EPHA7: variants seen among roughly 807,000 people sequenced by gnomAD.
EPHA7 encodes the protein EPH receptor A7.
Under a neutral mutation model 112.6 loss-of-function variants are expected in EPHA7, and 25 were observed. That is an observed-to-expected ratio of 0.22 (90% CI 0.16 to 0.31). The LOEUF is 0.31. Among genes scored for constraint, EPHA7 ranks in the 10% least tolerant of loss-of-function variants. EPHA7 has a pLI of 1.00. For missense variants in EPHA7, 962 were observed against 1,212.6 expected (o/e 0.79, Z 3.07); for synonymous variants, 437 against 406.5 (o/e 1.07, Z -0.90).
Position 93,410,642 on chromosome 6 carries a change from G to A in EPHA7, c.691C>T (p.Arg231Ter), listed in dbSNP as rs749418654. ...TCTGCACTGCTGACACATGTCCCTC[G>A]AACCTCGACTAAAGAGGAAAATTCT... Reference protein sequence around the residue: ...GSEFSSLVEVRGTCVSSAEEE... With the variant: ...GSEFSSLVEV The change falls in exon 3 of 17, where the codon CGA becomes TGA. Residue 231 changes from arginine to a stop codon, truncating the protein, a stop_gained. Coordinates refer to ENST00000369303, the MANE Select transcript of EPHA7 (RefSeq NM_004440.4). LOFTEE classifies it high-confidence loss of function. This position sits in a 1 kb window ranked among gnomAD's most constrained non-coding sequence, Gnocchi z 4.0. 6.2e-7 allele frequency: 1 copy of A among 1,613,894 alleles called. No homozygotes were observed. Among genetic ancestry groups the A allele is most frequent in the Non-Finnish European group, 8.5e-7 (1 of 1,179,924 alleles).
intron 3 of EPHA7, among the ~76,000 whole-genome samples, chr6:93,365,965 C>T (rs183224695): frequency 2.6e-5 from 4 of 152,102 alleles, no homozygotes; most frequent in African/African-American, 4.8e-5. Context: ...TAAAAAGTTT[C>T]GTTTCTAAAG....
chr6:93,388,832 G>C (rs1165928508), intron 3 of EPHA7, among the ~76,000 whole-genome samples: 3 of 152,010 alleles, frequency 2.0e-5, no homozygotes, highest in Non-Finnish European at 4.4e-5. Context: ...AAAGGATTTT[G>C]ATTAAATATT....
intron 3 of EPHA7, among the ~76,000 whole-genome samples, chr6:93,399,280 T>C (rs758712535): frequency 6.6e-5 from 10 of 152,124 alleles, no homozygotes; most frequent in Admixed American, 3.3e-4. Flanking sequence ...CTTAGAGGTA[T>C]ATAAAAAGTG....
At chr6:93,316,803 G>A (rs550121140) in intron 5 of EPHA7, among the ~76,000 whole-genome samples, 233 of 152,180 alleles carry the variant, frequency 1.5e-3, no homozygotes, top group African/African-American at 4.4e-3. Flanking sequence ...TGAATAGTAT[G>A]CATTATTAGA....
At chr6:93,266,188 TA>T (rs1277207152) in intron 7 of EPHA7, among the ~76,000 whole-genome samples, 2 of 151,766 alleles carry the variant, frequency 1.3e-5, no homozygotes, top group African/African-American at 4.8e-5. Flanking sequence ...AAAATTTGCT[TA>T]TTTTTTGTTT....
chr6:93,247,059 A>G, intron 14 of EPHA7, 74 bp from the exon 15 acceptor site: 3 of 1,295,188 alleles, frequency 2.3e-6, no homozygotes, highest in Admixed American at 5.0e-5. Context: ...CCTGGTAGGC[A>G]AAATGATTTA....
Position 93,255,934 on chromosome 6 carries a change from A to C in EPHA7, c.2276T>G (p.Leu759Arg). ...GTTGACAAGAATATTGCGAGCTGCA[A>C]GGTCCCTGTGAACATATCCCATATC... is the stretch of plus-strand genomic sequence containing the variant. ...LADMGYVHRD[L>R]AARNILVNSN... The change falls in exon 13 of 17, where the codon CTT becomes CGT. Residue 759 changes from leucine (L) to arginine (R), a missense_variant. Coordinates refer to ENST00000369303, the MANE Select transcript of EPHA7 (RefSeq NM_004440.4). 2 of 1,614,104 alleles carry C rather than the reference A, an allele frequency of 1.2e-6. No individual in the cohort carries two copies. The highest frequency in any genetic ancestry group is 1.7e-6 in the Non-Finnish European group (2 of 1,180,006).
chr6:93,401,371 C>A (rs754434785), intron 3 of EPHA7, among the ~76,000 whole-genome samples: 17 of 152,036 alleles, frequency 1.1e-4, no homozygotes, highest in Non-Finnish European at 2.4e-4. Context: ...TTCCATAACT[C>A]TTAACAAAAT....
intron 5 of EPHA7, among the ~76,000 whole-genome samples, chr6:93,293,851 T>C (rs1262546278): frequency 6.6e-6 from 1 of 152,214 alleles, no homozygotes; most frequent in Non-Finnish European, 1.5e-5. Context: ...AGCCCTGGCA[T>C]TGTATTTTTC....
rs781359652 is a variant in EPHA7, at chr6:93,241,768, A to T, written c.*1658T>A. 56 of 220,470 alleles carry T rather than the reference A, an allele frequency of 2.5e-4. No homozygotes were observed. The highest frequency in any genetic ancestry group is 4.5e-4 in the Non-Finnish European group (49 of 109,668). The allele number at this position is 220,470 out of a possible 1,614,324, so 13.7% of individuals were successfully genotyped here. A position where few individuals can be genotyped will look rare whatever the true frequency, so the allele number is the denominator to read the frequency against. On this transcript the variant is annotated 3_prime_UTR_variant, in exon 17 of 17. Transcript: ENST00000369303. ...TGATGCTCTGCAAGTAAAATAGAAA[A>T]ATATAGTGCATTTTCAATGTATTCA...
chr6:93,382,970 G>A lies in EPHA7; in HGVS notation c.833-24559C>T, dbSNP rs115998113. ...AAAGTGAGTATTTGAAACTGCTTCC[G>A]TCTCTTTGTCCACTGAACCCAATCA... On this transcript the variant is annotated intron_variant, in intron 3 of 16. Coordinates refer to ENST00000369303, the MANE Select transcript of EPHA7 (RefSeq NM_004440.4). Among the ~76,000 whole-genome samples, 403 of 152,184 alleles carry A rather than the reference G, an allele frequency of 2.6e-3. 2 individuals carry two copies. The highest frequency in any genetic ancestry group is 9.3e-3 in the African/African-American group (386 of 41,544).
chr6:93,382,741 A>C (rs1355092950), intron 3 of EPHA7, among the ~76,000 whole-genome samples: 1 of 152,066 alleles, frequency 6.6e-6, no homozygotes, highest in Non-Finnish European at 1.5e-5. Context: ...TGTCCGTGAA[A>C]AACTCTCCCA....
intron 9 of EPHA7, among the ~76,000 whole-genome samples, chr6:93,262,338 A>G (rs1770724446): frequency 6.6e-6 from 1 of 151,492 alleles, no homozygotes; most frequent in Non-Finnish European, 1.5e-5. Context: ...CCAGATTAGC[A>G]AAAGGAAGTT....
chr6:93,268,916 T>A (rs1771077034), intron 7 of EPHA7, among the ~76,000 whole-genome samples: 1 of 151,822 alleles, frequency 6.6e-6, no homozygotes, highest in Non-Finnish European at 1.5e-5. Context: ...TTAAATAGAT[T>A]CCTTAGTATG....
chr6:93,407,481 G>A (rs561395126), intron 3 of EPHA7, among the ~76,000 whole-genome samples: 1 of 152,114 alleles, frequency 6.6e-6, no homozygotes, highest in South Asian at 2.1e-4. Context: ...AATGAACATA[G>A]TTCCATGGTT....
At chr6:93,331,727 T>C (rs1774602985) in intron 5 of EPHA7, among the ~76,000 whole-genome samples, 1 of 151,604 alleles carries the variant, frequency 6.6e-6, no homozygotes, top group Admixed American at 6.6e-5. Context: ...TGTATGTGTG[T>C]GGCAAATAGC....
chr6:93,340,110 T>C (rs1775069782), intron 5 of EPHA7, among the ~76,000 whole-genome samples: 2 of 151,970 alleles, frequency 1.3e-5, no homozygotes, highest in Admixed American at 6.6e-5. Context: ...ACAGGAAGTA[T>C]GTCAATACTA....
At chr6:93,258,398 T>C in intron 10 of EPHA7, 114 bp from the exon 11 acceptor site, 1 of 1,106,618 alleles carries the variant, frequency 9.0e-7, no homozygotes, top group Non-Finnish European at 1.3e-6. Context: ...TTTGAAAGCA[T>C]TTTAAAATAT....
In EPHA7 at chr6:93,301,276, T is replaced by C. The variant is rs1441433228; in HGVS notation, c.1325-28854A>G. Among the ~76,000 whole-genome samples the C allele has an allele frequency of 2.0e-5, 3 of 152,204 alleles. No homozygotes were observed. In the East Asian group the frequency reaches 5.8e-4, roughly 29 times the overall value. On this transcript the variant is annotated intron_variant, in intron 5 of 16. Coordinates refer to ENST00000369303, the MANE Select transcript of EPHA7 (RefSeq NM_004440.4). ...GTACATATTTTGAGGGTACATGTAA[T>C]ACTTTGATACAAGTACAAAATGTGT...
Sources: allele counts gnomAD v4.1 joint callset (sites outside exome capture counted in the v4.1 genomes callset), GRCh38; gene constraint gnomAD v4.1.1; non-coding constraint Gnocchi (gnomAD v3.1); transcripts MANE v1.5; gene names NCBI Gene and HGNC (gene_info 2026-07-23, HGNC 2026-07-21).